SV2B: variants seen among roughly 807,000 people sequenced by gnomAD.
SV2B encodes synaptic vesicle glycoprotein 2B.
Under a neutral mutation model 73.9 loss-of-function variants are expected in SV2B, and 41 were observed. The observed-to-expected ratio is 0.56, with a 90% confidence interval of 0.43 to 0.72. The LOEUF (loss-of-function observed/expected upper bound fraction) is 0.72. Ranked by LOEUF, SV2B falls within the 30% of genes least tolerant of loss-of-function variation. SV2B has a pLI of 0.00. For missense variants in SV2B, 764 were observed against 857.8 expected (o/e 0.89, Z 1.37); for synonymous variants, 314 against 314.2 (o/e 1.00, Z 0.01).
intron 1 of SV2B, among the ~76,000 whole-genome samples, chr15:91,196,271 T>C (rs2045242953): frequency 1.3e-5 from 2 of 152,224 alleles, no homozygotes; most frequent in South Asian, 4.1e-4. Context: ...CAAGGTTCTC[T>C]GTGTCTAGAG....
At chr15:91,207,039 TA>T (rs1393923239) in intron 1 of SV2B, among the ~76,000 whole-genome samples, 3 of 152,176 alleles carry the variant, frequency 2.0e-5, no homozygotes, top group Admixed American at 6.5e-5. Context: ...CAATTTCCTT[TA>T]AAAAAATTTT....
rs1000902174 is a variant in SV2B, at chr15:91,297,448, A to G, written c.*4896A>G. 6.6e-6 allele frequency: 1 copy of G among 152,236 alleles called. No individual in the cohort carries two copies. Among genetic ancestry groups the G allele is most frequent in the Non-Finnish European group, 1.5e-5 (1 of 68,048 alleles). 9.4% of individuals were successfully genotyped at this position (152,236 alleles called of 1,614,324 possible). A position where few individuals can be genotyped will look rare whatever the true frequency, so the allele number is the denominator to read the frequency against. On this transcript the variant is annotated 3_prime_UTR_variant, in exon 13 of 13. Coordinates refer to ENST00000394232, the MANE Select transcript of SV2B (RefSeq NM_001323032.3). This position sits in a 1 kb window ranked among gnomAD's most constrained non-coding sequence, Gnocchi z 5.1. ...TGCTTCTTAAACTTTTGCGTGCATC[A>G]GAATCACCCAGAAAGATGTTAAAAC...
chr15:91,251,813 T>A lies in SV2B; in HGVS notation c.452-6T>A, dbSNP rs750319525. On this transcript the variant is annotated splice_region_variant and splice_polypyrimidine_tract_variant and intron_variant, in intron 2 of 12. Coordinates refer to ENST00000394232, the MANE Select transcript of SV2B (RefSeq NM_001323032.3). The stretch of plus-strand genomic sequence containing the variant: ...CTATTCTCTCCTCTCCTCCCCCTCA[T>A]TGCAGGGATGATAGTCTACTTGGGA... 1.9e-6 allele frequency: 3 copies of A among 1,613,708 alleles called. No homozygotes were observed. Among genetic ancestry groups the A allele is most frequent in the Admixed American group, 3.3e-5 (2 of 59,990 alleles).
At chr15:91,251,210 T>C (rs1596692656) in intron 2 of SV2B, among the ~76,000 whole-genome samples, 1 of 152,294 alleles carries the variant, frequency 6.6e-6, no homozygotes, top group East Asian at 1.9e-4. Flanking sequence ...GGAAAAACAG[T>C]CTCTTCAATA....
intron 1 of SV2B, among the ~76,000 whole-genome samples, chr15:91,113,749 G>A (rs111446009): frequency 0.014 from 2,162 of 152,224 alleles, 47 homozygotes; most frequent in African/African-American, 0.049. Context: ...TAAACCCAGA[G>A]GTTCTTTCTG....
In SV2B at chr15:91,201,463, C is replaced by A. The variant is rs548565997; in HGVS notation, c.-391-24410C>A. On this transcript the variant is annotated intron_variant, in intron 1 of 12. Transcript: ENST00000394232. ...TTTCCCAAGGTCACATAGTTAATAG[C>A]GTCAGAGCTGAGACTCAACTCTGGG... Among the ~76,000 whole-genome samples the A allele has an allele frequency of 4.6e-5, 7 of 152,316 alleles. No individual in the cohort carries two copies. In the South Asian group the frequency reaches 1.5e-3, roughly 32 times the overall value.
chr15:91,249,654 A>G (rs921865363), intron 2 of SV2B, among the ~76,000 whole-genome samples: 1 of 152,240 alleles, frequency 6.6e-6, no homozygotes, highest in Non-Finnish European at 1.5e-5. Flanking sequence ...AGGCTCAAAT[A>G]AAATTAGAAA....
At chr15:91,119,536 T>C (rs1028334233) in intron 1 of SV2B, among the ~76,000 whole-genome samples, 2 of 152,264 alleles carry the variant, frequency 1.3e-5, no homozygotes, top group Non-Finnish European at 2.9e-5. Context: ...AATATTCAAG[T>C]TTCCAGCCAG....
intron 1 of SV2B, among the ~76,000 whole-genome samples, chr15:91,107,297 G>GTTTGTTTATTTA (rs140617996): frequency 0.036 from 5,241 of 145,754 alleles, 212 homozygotes; most frequent in African/African-American, 0.1. Flanking sequence ...TTATTTGTTT[G>GTTTGTTTATTTA]TTTATTTATT....
In SV2B at chr15:91,141,374, G is replaced by C. The variant is rs895268916; in HGVS notation, c.-392+41011G>C. ...GCCTTGCTCTTCTTCAGGAAGACTT[G>C]GAGTTTTCAGGAGCATCTTAGTAGT... On this transcript the variant is annotated intron_variant, in intron 1 of 12. Transcript: ENST00000394232. This position sits in a 1 kb window ranked among gnomAD's most constrained non-coding sequence, Gnocchi z 4.6. 4.6e-5 allele frequency among the ~76,000 whole-genome samples: 7 copies of C among 152,154 alleles called. No homozygotes were observed. The highest frequency in any genetic ancestry group is 8.8e-5 in the Non-Finnish European group (6 of 68,032).
chr15:91,278,269 C>T (rs1047586321), intron 9 of SV2B, among the ~76,000 whole-genome samples: 10 of 152,026 alleles, frequency 6.6e-5, no homozygotes, highest in South Asian at 2.1e-4. Flanking sequence ...TTTTTAAATG[C>T]GGGCTTCGAG....
intron 1 of SV2B, among the ~76,000 whole-genome samples, chr15:91,135,620 C>T (rs778244427): frequency 3.3e-5 from 5 of 152,262 alleles, no homozygotes; most frequent in South Asian, 4.2e-4. Flanking sequence ...ATATGAAAAT[C>T]GAAACCATGA....
In SV2B at chr15:91,261,701, A is replaced by T. The variant is rs1003216691; in HGVS notation, c.1008+1292A>T. ...TCTACAATGCCACAGGCAATAGAGGACCCATTTCTTTACACCCTTACCATC... is the reference window on the plus strand; with the variant it reads ...TCTACAATGCCACAGGCAATAGAGGTCCCATTTCTTTACACCCTTACCATC... On this transcript the variant is annotated intron_variant, in intron 6 of 12. Coordinates refer to ENST00000394232, the MANE Select transcript of SV2B (RefSeq NM_001323032.3). This position sits in a 1 kb window ranked among gnomAD's most constrained non-coding sequence, Gnocchi z 4.7. Among the ~76,000 whole-genome samples the T allele has an allele frequency of 6.6e-6, 1 of 152,310 alleles. No individual in the cohort carries two copies. Among genetic ancestry groups the T allele is most frequent in the African/African-American group, 2.4e-5 (1 of 41,554 alleles).
At chr15:91,113,602 A>G (rs2042095891) in intron 1 of SV2B, among the ~76,000 whole-genome samples, 2 of 152,180 alleles carry the variant, frequency 1.3e-5, no homozygotes, top group South Asian at 2.1e-4. Flanking sequence ...TAAACATCCA[A>G]CTTTTTTCCC....
chr15:91,263,737 C>G (rs11856263), intron 6 of SV2B, among the ~76,000 whole-genome samples: 3,284 of 152,214 alleles, frequency 0.022, 74 homozygotes, highest in East Asian at 0.094. Context: ...TCACCCATAC[C>G]AAGCGTTTGG....
At chr15:91,210,109 G>A (rs1308818465) in intron 1 of SV2B, among the ~76,000 whole-genome samples, 1 of 151,880 alleles carries the variant, frequency 6.6e-6, no homozygotes, top group Non-Finnish European at 1.5e-5. Context: ...TGAGTCTATG[G>A]CAGGATAATT....
At chr15:91,187,968 A>T (rs1247014971) in intron 1 of SV2B, among the ~76,000 whole-genome samples, 1 of 152,156 alleles carries the variant, frequency 6.6e-6, no homozygotes, top group African/African-American at 2.4e-5. Flanking sequence ...ATTATAATGA[A>T]ACTATCTTGT....
At chr15:91,262,802 C>T (rs796738137) in intron 6 of SV2B, among the ~76,000 whole-genome samples, 88 of 152,312 alleles carry the variant, frequency 5.8e-4, no homozygotes, top group African/African-American at 2.1e-3. Flanking sequence ...TCCATCCCCG[C>T]CGACTCTGTG....
chr15:91,156,847 A>T (rs563458803), intron 1 of SV2B, among the ~76,000 whole-genome samples: 1 of 152,360 alleles, frequency 6.6e-6, no homozygotes, highest in Admixed American at 6.5e-5. Flanking sequence ...TCTCTGGCTT[A>T]TAAACCACAT....
Sources: allele counts gnomAD v4.1 joint callset (sites outside exome capture counted in the v4.1 genomes callset), GRCh38; gene constraint gnomAD v4.1.1; non-coding constraint Gnocchi (gnomAD v3.1); transcripts MANE v1.5; gene names NCBI Gene and HGNC (gene_info 2026-07-23, HGNC 2026-07-21).